The following HEMK2 variants were observed in gnomAD, a reference collection of about 807,000 sequenced individuals.
HEMK2 encodes HemK methyltransferase 2, ETF1 glutamine and histone H4 lysine.
the HEMK2 span, among the ~76,000 whole-genome samples, chr21:28,672,970 AAAAT>A: frequency 4.6e-5 from 7 of 150,884 alleles, no homozygotes; most frequent in African/African-American, 1.2e-4. Context: ...AGAAAGAAAA[AAAAT>A]AAAAAAAGAG....
the HEMK2 span, among the ~76,000 whole-genome samples, chr21:28,831,382 T>C: frequency 2.0e-5 from 3 of 148,276 alleles, no homozygotes; most frequent in Admixed American, 6.9e-5. Flanking sequence ...GGAGGCAGAG[T>C]TGCAGGGAGC....
At chr21:28,666,972 AG>A in the HEMK2 span, among the ~76,000 whole-genome samples, 5 of 152,160 alleles carry the variant, frequency 3.3e-5, no homozygotes, top group African/African-American at 1.2e-4. Flanking sequence ...TATGGAGCCC[AG>A]GACAACAGAA....
the HEMK2 span, among the ~76,000 whole-genome samples, chr21:28,719,685 T>A: frequency 2.0e-5 from 3 of 152,294 alleles, no homozygotes; most frequent in East Asian, 1.9e-4. Flanking sequence ...AGTGGGCAGT[T>A]CACCATTATG....
At chr21:28,708,194 T>C in the HEMK2 span, among the ~76,000 whole-genome samples, 4 of 148,124 alleles carry the variant, frequency 2.7e-5, no homozygotes, top group African/African-American at 1.0e-4. Context: ...GTTTTTATGG[T>C]TTAAATAAAA....
chr21:28,604,090 T>C, the HEMK2 span, among the ~76,000 whole-genome samples: 2 of 152,236 alleles, frequency 1.3e-5, no homozygotes, highest in Admixed American at 1.3e-4. Flanking sequence ...CTCTACTTTC[T>C]GATGAGAAAA....
chr21:28,841,414 A>T, the HEMK2 span, among the ~76,000 whole-genome samples: 2 of 43,054 alleles, frequency 4.6e-5, 1 homozygote, highest in South Asian at 1.2e-3. Flanking sequence ...TAATATATAT[A>T]TTATATATAT....
At chr21:28,855,263 G>A in the HEMK2 span, among the ~76,000 whole-genome samples, 1 of 152,020 alleles carries the variant, frequency 6.6e-6, no homozygotes, top group African/African-American at 2.4e-5. Context: ...AAGAGACAAA[G>A]GAAAGAATTA....
At chr21:28,825,223 G>T in the HEMK2 span, among the ~76,000 whole-genome samples, 31 of 152,282 alleles carry the variant, frequency 2.0e-4, no homozygotes, top group African/African-American at 7.2e-4. Context: ...ACCCCCTGGA[G>T]GGCTTGTTAG....
chr21:28,661,675 G>A, the HEMK2 span, among the ~76,000 whole-genome samples: 1 of 151,874 alleles, frequency 6.6e-6, no homozygotes, highest in Non-Finnish European at 1.5e-5. Flanking sequence ...TCCACCTTAA[G>A]AACTCTTCAT....
At chr21:28,833,960 A>G in the HEMK2 span, among the ~76,000 whole-genome samples, 5 of 152,358 alleles carry the variant, frequency 3.3e-5, no homozygotes, top group African/African-American at 1.2e-4. Flanking sequence ...TCTGGGAATT[A>G]AACTGTTAGA....
chr21:28,758,911 G>A, the HEMK2 span, among the ~76,000 whole-genome samples: 6 of 152,154 alleles, frequency 3.9e-5, no homozygotes, highest in Non-Finnish European at 8.8e-5. Flanking sequence ...GCCTGCTGCG[G>A]CCCCTCTCCA....
the HEMK2 span, among the ~76,000 whole-genome samples, chr21:28,829,248 T>C: frequency 5.3e-5 from 8 of 152,338 alleles, no homozygotes; most frequent in South Asian, 8.3e-4. Context: ...GTCTTGTTAG[T>C]TGTGAGTTGC....
the HEMK2 span, among the ~76,000 whole-genome samples, chr21:28,679,908 G>A: frequency 2.0e-5 from 3 of 152,186 alleles, no homozygotes; most frequent in East Asian, 3.9e-4. Flanking sequence ...GCAGTGTGTA[G>A]AGGGAAATTT....
At chr21:28,834,360 A>C in the HEMK2 span, among the ~76,000 whole-genome samples, 6 of 152,062 alleles carry the variant, frequency 3.9e-5, no homozygotes, top group African/African-American at 1.4e-4. Context: ...GAAAATGGAG[A>C]CCCTCCTTTC....
chr21:28,652,438 T>C, the HEMK2 span, among the ~76,000 whole-genome samples: 2,550 of 151,022 alleles, frequency 0.017, 72 homozygotes, highest in African/African-American at 0.058. Context: ...CTTCCTCCCT[T>C]CCTTCCTTCC....
At chr21:28,749,455 A>G in the HEMK2 span, among the ~76,000 whole-genome samples, 1 of 152,244 alleles carries the variant, frequency 6.6e-6, no homozygotes, top group Non-Finnish European at 1.5e-5. Flanking sequence ...CAGAGGATCC[A>G]AAGTACCTGC....
chr21:28,626,173 G>A, the HEMK2 span, among the ~76,000 whole-genome samples: 4 of 152,016 alleles, frequency 2.6e-5, no homozygotes, highest in African/African-American at 4.8e-5. Context: ...TATGTTATAT[G>A]TAAAAGATGG....
the HEMK2 span, among the ~76,000 whole-genome samples, chr21:28,653,602 C>T: frequency 1.3e-5 from 2 of 152,134 alleles, no homozygotes; most frequent in African/African-American, 4.8e-5. Context: ...CAGTCAATTG[C>T]GTATCACTTC....
chr21:28,651,034 G>C, the HEMK2 span, among the ~76,000 whole-genome samples: 8 of 151,962 alleles, frequency 5.3e-5, no homozygotes, highest in Non-Finnish European at 1.0e-4. Flanking sequence ...GAGGAGAGGA[G>C]ACCGTAGTTG....
Sources: allele counts gnomAD v4.1 joint callset (sites outside exome capture counted in the v4.1 genomes callset), GRCh38; gene constraint gnomAD v4.1.1; transcripts MANE v1.5; gene names NCBI Gene and HGNC (gene_info 2026-07-23, HGNC 2026-07-21).